The following ZNF213 variants were observed in gnomAD, a reference collection of about 807,000 sequenced individuals.
ZNF213 encodes the protein zinc finger protein 213.
A neutral mutation model predicts 46.0 loss-of-function variants in ZNF213; 32 were observed. The observed-to-expected ratio is 0.70, with a 90% CI of 0.52 to 0.93. The LOEUF (loss-of-function observed/expected upper bound fraction) is 0.93, where lower values mean the gene tolerates loss of function less well. Among genes scored for constraint, ZNF213 ranks in the 40% least tolerant of loss-of-function variants. The pLI is 0.00. For synonymous variants in ZNF213, 297 were observed against 271.0 expected, an observed-to-expected ratio of 1.10 and a Z score of -0.94; for missense variants, 639 against 652.8, an observed-to-expected ratio of 0.98 and a Z score of 0.23.
At position 3,137,941 on chromosome 16, in the gene ZNF213, T is replaced by C. The variant is rs1957559776; in HGVS notation, c.399+262T>C. ...TTCCAGACAGGAGGTTTTAGCTCCA[T>C]GCAGGGTCTGCTGATGTTTATTTGC... On this transcript the variant is annotated intron_variant, in intron 2 of 5. Coordinates refer to ENST00000396878, the MANE Select transcript of ZNF213 (RefSeq NM_004220.3). The C allele has an allele frequency of 7.7e-5, 43 of 555,622 alleles. No individual in the cohort carries two copies. The South Asian group carries it at 8.3e-4, about 11-fold the overall frequency. The allele number at this position is 555,622 out of a possible 1,614,324, so 34.4% of individuals were successfully genotyped here.
rs753899601 is a variant in ZNF213 at position 3,141,224 on chromosome 16, T to C, written c.1257T>C (p.His419=). The stretch of plus-strand genomic sequence containing the variant: ...CGCTGCGCTCCTACCTGCTGGACCA[T>C]CGGCGTGTGCACACCGGTGAGCGGC... ...SFSLRSYLLD[H]RRVHTGERPF... The change falls in exon 6 of 6, where the codon CAT becomes CAC. Residue 419 remains histidine, a synonymous_variant. Transcript: ENST00000396878. The C allele has an allele frequency of 4.3e-6, 7 of 1,612,442 alleles. No individual in the cohort carries two copies. The highest frequency in any genetic ancestry group is 5.9e-6 in the Non-Finnish European group (7 of 1,179,906).
At chr16:3,137,063 C>T (rs1206893750) in intron 1 of ZNF213, 103 bp from the exon 2 acceptor site, 27 of 565,184 alleles carry the variant, frequency 4.8e-5, no homozygotes, top group Non-Finnish European at 7.6e-5. Flanking sequence ...GAAAAGGCTT[C>T]AGGGCCATGA....
At position 3,140,600 on chromosome 16, in the gene ZNF213, G is replaced by A. The variant is rs1001381950; in HGVS notation, c.722-89G>A. The A allele has an allele frequency of 5.6e-6, 8 of 1,425,472 alleles. No homozygotes were observed. The African/African-American group carries it at 9.0e-5, about 16-fold the overall frequency. 88.3% of individuals were successfully genotyped at this position (1,425,472 alleles called of 1,614,324 possible). ...AGGGCTTTCTGAACCTGGAGGCCAG[G>A]GAGCTTTCCCCAGCCTTGTTTCTTC... On this transcript the variant is annotated intron_variant, in intron 5 of 5. Coordinates refer to ENST00000396878, the MANE Select transcript of ZNF213 (RefSeq NM_004220.3).
At chr16:3,139,328 C>G in intron 5 of ZNF213, 1 of 569,448 alleles carries the variant, frequency 1.8e-6, no homozygotes, top group Non-Finnish European at 3.0e-6. Context: ...AGGGCAACTT[C>G]TCCTTTGAGT....
At chr16:3,138,670 C>T in intron 3 of ZNF213, 75 bp from the exon 4 acceptor site, 1 of 1,611,112 alleles carries the variant, frequency 6.2e-7, no homozygotes, top group Non-Finnish European at 8.5e-7. Context: ...TGTGCATGCG[C>T]ACAGGCTGGG....
chr16:3,141,472 C>G lies in ZNF213; in HGVS notation c.*125C>G. 8.5e-7 allele frequency: 1 copy of G among 1,170,060 alleles called. No homozygotes were observed. 72.5% of individuals were successfully genotyped at this position (1,170,060 alleles called of 1,614,324 possible). ...CTGTCCGAGGGACCCCAGGGTACCT[C>G]ACACTCGGAGCTCGCCTGCCCTGCT... On this transcript the variant is annotated 3_prime_UTR_variant, in exon 6 of 6. Coordinates refer to ENST00000396878, the MANE Select transcript of ZNF213 (RefSeq NM_004220.3).
intron 1 of ZNF213, among the ~76,000 whole-genome samples, chr16:3,136,718 GTAA>G (rs1957542328): frequency 1.9e-5 from 1 of 51,302 alleles, no homozygotes. Flanking sequence ...CTCTCTCTCA[GTAA>G]AAAAAAAAAA....
Position 3,140,507 on chromosome 16 carries a change from G to A in ZNF213, c.722-182G>A. The A allele has an allele frequency of 3.3e-6, 3 of 913,452 alleles. No homozygotes were observed. In the East Asian group the frequency reaches 9.8e-5, roughly 30 times the overall value. 56.6% of individuals were successfully genotyped at this position (913,452 alleles called of 1,614,324 possible). A position where few individuals can be genotyped will look rare whatever the true frequency, so the allele number is the denominator to read the frequency against. ...CAAAATGTTGGGATTACAGGCTTGA[G>A]TCACTGCGCCTGGCCAATCATCCCT... On this transcript the variant is annotated intron_variant, in intron 5 of 5. Transcript: ENST00000396878.
intron 1 of ZNF213, among the ~76,000 whole-genome samples, chr16:3,135,845 T>TC (rs1280147628): frequency 8.7e-5 from 13 of 149,108 alleles, no homozygotes; most frequent in Admixed American, 6.0e-4. Context: ...TTTCTTTCTT[T>TC]TTTTTTTTTT....
chr16:3,138,914 C>A, intron 4 of ZNF213, 61 bp from the exon 5 acceptor site: 2 of 1,613,716 alleles, frequency 1.2e-6, no homozygotes, highest in South Asian at 2.2e-5. Flanking sequence ...TTCATCTGAC[C>A]CATCCTGTCC....
At chr16:3,136,438 C>T (rs1208515235) in intron 1 of ZNF213, among the ~76,000 whole-genome samples, 1 of 152,164 alleles carries the variant, frequency 6.6e-6, no homozygotes, top group East Asian at 1.9e-4. Flanking sequence ...TTTAATTAGG[C>T]CGGGCGCAGT....
chr16:3,138,493 G>A lies in ZNF213; in HGVS notation c.475G>A (p.Gly159Arg), dbSNP rs777432575. Residue 159 changes from glycine to arginine, a missense_variant, in exon 3 of 6, where the codon GGG (glycine) becomes AGG (arginine). Coordinates refer to ENST00000396878, the MANE Select transcript of ZNF213 (RefSeq NM_004220.3). ...SQATGPPPTV[G>R]ARRRPSVPQE... Reference sequence around the variant, plus strand: ...GGCCACGGGGCCTCCCCCGACGGTGGGGGCACGGAGGCGGCCGTCTGTTCC... The same window carrying A: ...GGCCACGGGGCCTCCCCCGACGGTGAGGGCACGGAGGCGGCCGTCTGTTCC... 1.2e-6 allele frequency: 2 copies of A among 1,613,556 alleles called. No individual in the cohort carries two copies.
rs377145283 is a variant in ZNF213 at position 3,137,910 on chromosome 16, C to G, written c.399+231C>G. The G allele has an allele frequency of 5.0e-6, 3 of 601,704 alleles. No homozygotes were observed. The African/African-American group carries it at 5.6e-5, about 11-fold the overall frequency. 37.3% of individuals were successfully genotyped at this position (601,704 alleles called of 1,614,324 possible). On this transcript the variant is annotated intron_variant, in intron 2 of 5. Transcript: ENST00000396878. ...GGAAGGCAGCAATAGGGCTGAAGTGCGAATGTTCCAGACAGGAGGTTTTAG... is the reference window on the plus strand; with the variant it reads ...GGAAGGCAGCAATAGGGCTGAAGTGGGAATGTTCCAGACAGGAGGTTTTAG...
At position 3,136,719 on chromosome 16, in the gene ZNF213, T is replaced by TA. The variant is rs58304652; in HGVS notation, c.-115-431dup. ...GCGACAGAGTGAGACTCTCTCTCAG[T>TA]AAAAAAAAAAAAAAAAGATATTTAA... On this transcript the variant is annotated intron_variant, in intron 1 of 5. Coordinates refer to ENST00000396878, the MANE Select transcript of ZNF213 (RefSeq NM_004220.3). 3.3e-3 allele frequency among the ~76,000 whole-genome samples: 457 copies of TA among 138,388 alleles called. 2 individuals are homozygous for TA. Among genetic ancestry groups the TA allele is most frequent in the Admixed American group, 0.01 (140 of 13,958 alleles). 90.8% of individuals were successfully genotyped at this position (138,388 alleles called of 152,430 possible). A position where few individuals can be genotyped will look rare whatever the true frequency, so the allele number is the denominator to read the frequency against.
In ZNF213 at chr16:3,137,616, C is replaced by T. The variant is rs747354179; in HGVS notation, c.336C>T (p.Ser112=). ...QGWVREQHPG[S]GEEAVALVED... The stretch of plus-strand genomic sequence containing the variant: ...GGGTGCGTGAGCAGCACCCGGGAAG[C>T]GGTGAGGAGGCTGTCGCCTTGGTGG... The change falls in exon 2 of 6, where the codon AGC becomes AGT. Residue 112 remains serine (S), a synonymous_variant. Coordinates refer to ENST00000396878, the MANE Select transcript of ZNF213 (RefSeq NM_004220.3). 1.1e-5 allele frequency: 18 copies of T among 1,613,900 alleles called. 1 individual carries two copies. The highest frequency in any genetic ancestry group is 1.1e-4 in the African/African-American group (8 of 75,034).
At chr16:3,137,854 A>G (rs925203376) in intron 2 of ZNF213, 175 bp downstream of exon 2, 4 of 780,948 alleles carry the variant, frequency 5.1e-6, no homozygotes, top group Admixed American at 5.9e-5. Flanking sequence ...GATGCGATCC[A>G]AAGTAAATGT....
At chr16:3,138,126 G>A (rs1957561791) in intron 2 of ZNF213, 1 of 507,528 alleles carries the variant, frequency 2.0e-6, no homozygotes. Flanking sequence ...GTGGCTGGGG[G>A]ATGGGGTTCT....
At position 3,141,055 on chromosome 16, in the gene ZNF213, A is replaced by T. The variant is rs769213782; in HGVS notation, c.1088A>T (p.His363Leu). The T allele has an allele frequency of 2.5e-6, 4 of 1,613,288 alleles. No homozygotes were observed. Among genetic ancestry groups the T allele is most frequent in the Non-Finnish European group, 8.5e-7 (1 of 1,179,868 alleles). Residue 363 changes from histidine (H) to leucine (L), a missense_variant, in exon 6 of 6, where the codon CAC becomes CTC. By Grantham distance (99) the His-to-Leu change is moderately conservative. Coordinates refer to ENST00000396878, the MANE Select transcript of ZNF213 (RefSeq NM_004220.3). ...SFRSSSDLVR[H>L]QGVHTGEKPF... is the part of the protein sequence containing the mutation. ...CGCAGCTCCTCGGACCTGGTGCGCC[A>T]CCAAGGCGTGCACACGGGCGAGAAG...
chr16:3,140,921 CT>C lies in ZNF213; in HGVS notation c.955del (p.Cys319AlafsTer228). 6.3e-7 allele frequency: 1 copy of C among 1,595,292 alleles called. No homozygotes were observed. The highest frequency in any genetic ancestry group is 8.5e-7 in the Non-Finnish European group (1 of 1,174,382). On this transcript the variant is annotated frameshift_variant, in exon 6 of 6. Transcript: ENST00000396878. LOFTEE classifies it high-confidence loss of function. ...RDLAAEKPHS[C>X]GQCGKRFRWG... Reference sequence around the variant, plus strand: ...ACCTGGCAGCCGAGAAGCCGCACAGCTGCGGGCAGTGTGGAAAGCGCTTCCG... The same window carrying C: ...ACCTGGCAGCCGAGAAGCCGCACAGCGCGGGCAGTGTGGAAAGCGCTTCCG...
Sources: gnomAD v4.1 joint callset for allele counts (sites outside exome capture counted in the v4.1 genomes callset) on GRCh38, gnomAD v4.1.1 for gene constraint, MANE v1.5 for transcripts, NCBI Gene and HGNC (gene_info 2026-07-23, HGNC 2026-07-21) for gene names.